The following EEFSEC variants were observed in gnomAD, a reference collection of about 807,000 sequenced individuals.
The protein encoded by EEFSEC is selenocysteine-specific elongation factor.
A neutral mutation model predicts 42.1 loss-of-function variants in EEFSEC; 43 were observed. The ratio of observed to expected loss-of-function variants is 1.02; its 90% CI spans 0.80 to 1.32. The LOEUF is 1.32. Ranked by LOEUF, EEFSEC falls within the 40% of genes most tolerant of loss-of-function variation. The probability of loss-of-function intolerance (pLI) is 0.00; values close to 1 mark genes in which losing one functional copy is unlikely to be tolerated. For missense variants in EEFSEC, 745 were observed against 803.6 expected (o/e 0.93, Z 0.88); for synonymous variants, 354 against 339.1 (o/e 1.04, Z -0.48).
At chr3:128,352,180 C>T (rs1313146098) in intron 5 of EEFSEC, among the ~76,000 whole-genome samples, 1 of 152,170 alleles carries the variant, frequency 6.6e-6, no homozygotes, top group East Asian at 1.9e-4. Context: ...ATCCTCACCT[C>T]CTGACACTCA....
chr3:128,386,646 A>G (rs982038760), intron 6 of EEFSEC, among the ~76,000 whole-genome samples: 1 of 152,224 alleles, frequency 6.6e-6, no homozygotes, highest in Non-Finnish European at 1.5e-5. Context: ...AAGGCTGTAC[A>G]GGAAGTATGG....
chr3:128,400,470 G>C (rs577646663), intron 6 of EEFSEC, among the ~76,000 whole-genome samples: 1 of 152,198 alleles, frequency 6.6e-6, no homozygotes, highest in African/African-American at 2.4e-5. Flanking sequence ...GCTCCCAGCT[G>C]TCAGTCATCA....
At chr3:128,166,566 T>A (rs2065244434) in intron 1 of EEFSEC, among the ~76,000 whole-genome samples, 1 of 152,128 alleles carries the variant, frequency 6.6e-6, no homozygotes, top group African/African-American at 2.4e-5. Flanking sequence ...TAGAGTTGGG[T>A]TTGAGCTGTC....
At chr3:128,353,029 C>T (rs112067208) in intron 5 of EEFSEC, among the ~76,000 whole-genome samples, 5 of 152,336 alleles carry the variant, frequency 3.3e-5, no homozygotes, top group African/African-American at 7.2e-5. Context: ...CCTCACTTAA[C>T]ATTGTCACTA....
intron 1 of EEFSEC, among the ~76,000 whole-genome samples, chr3:128,164,556 G>C (rs190561221): frequency 5.3e-5 from 8 of 152,266 alleles, no homozygotes; most frequent in South Asian, 4.2e-4. Context: ...TTGCACACAG[G>C]GGGGTGTGAA....
intron 6 of EEFSEC, among the ~76,000 whole-genome samples, chr3:128,359,408 G>T (rs1220117766): frequency 2.6e-5 from 4 of 152,084 alleles, no homozygotes; most frequent in Admixed American, 6.6e-5. Flanking sequence ...TAGAGAAAGG[G>T]TCTTACCCTG....
intron 6 of EEFSEC, among the ~76,000 whole-genome samples, chr3:128,392,222 C>T (rs1168529416): frequency 6.6e-6 from 1 of 152,178 alleles, no homozygotes; most frequent in Non-Finnish European, 1.5e-5. Flanking sequence ...CCCGCACCAG[C>T]CCCCCGTGAG....
At chr3:128,316,147 G>C (rs142449743) in intron 4 of EEFSEC, among the ~76,000 whole-genome samples, 13 of 152,292 alleles carry the variant, frequency 8.5e-5, no homozygotes, top group African/African-American at 3.1e-4. Flanking sequence ...TTCAAAGAGC[G>C]TGGTATTTAT....
intron 2 of EEFSEC, among the ~76,000 whole-genome samples, chr3:128,249,356 ATTTCTTT>A (rs2066160302): frequency 6.6e-6 from 1 of 152,116 alleles, no homozygotes; most frequent in Non-Finnish European, 1.5e-5. Flanking sequence ...GGATTTTTTC[ATTTCTTT>A]TTTCTTTTTA....
At chr3:128,322,234 G>C (rs1169037014) in intron 4 of EEFSEC, among the ~76,000 whole-genome samples, 1 of 152,250 alleles carries the variant, frequency 6.6e-6, no homozygotes, top group Non-Finnish European at 1.5e-5. Context: ...TCCCAGCTCT[G>C]CCACCTGCTG....
intron 4 of EEFSEC, among the ~76,000 whole-genome samples, chr3:128,277,969 A>T: frequency 6.6e-6 from 1 of 152,164 alleles, no homozygotes; most frequent in Admixed American, 6.5e-5. Flanking sequence ...TGAAAACCTA[A>T]AAGGAAGGCA....
chr3:128,353,000 G>A (rs1430911538), intron 5 of EEFSEC, among the ~76,000 whole-genome samples: 4 of 152,274 alleles, frequency 2.6e-5, no homozygotes, highest in African/African-American at 7.2e-5. Flanking sequence ...TTCCAGTTAT[G>A]GAGACCTGTA....
At chr3:128,195,144 T>C (rs1322252164) in intron 1 of EEFSEC, among the ~76,000 whole-genome samples, 2 of 152,232 alleles carry the variant, frequency 1.3e-5, no homozygotes, top group Non-Finnish European at 1.5e-5. Flanking sequence ...TAGTTTGAGA[T>C]ACTTCTTTTA....
intron 1 of EEFSEC, among the ~76,000 whole-genome samples, chr3:128,231,106 C>T (rs2065955294): frequency 6.6e-6 from 1 of 152,104 alleles, no homozygotes; most frequent in African/African-American, 2.4e-5. Flanking sequence ...CTCGCCTCCT[C>T]CCCCTCACTC....
At chr3:128,391,858 G>A (rs1044276136) in intron 6 of EEFSEC, among the ~76,000 whole-genome samples, 3 of 152,178 alleles carry the variant, frequency 2.0e-5, no homozygotes, top group Admixed American at 6.5e-5. Context: ...GACAAGCAAC[G>A]AATGCAGGAG....
chr3:128,346,513 C>A (rs1416879277), intron 5 of EEFSEC, among the ~76,000 whole-genome samples: 1 of 152,156 alleles, frequency 6.6e-6, no homozygotes, highest in Admixed American at 6.5e-5. Context: ...CAACTAATAA[C>A]AAACACAGTA....
chr3:128,201,568 T>G (rs1465112708), intron 1 of EEFSEC, among the ~76,000 whole-genome samples: 1 of 152,220 alleles, frequency 6.6e-6, no homozygotes, highest in Non-Finnish European at 1.5e-5. Flanking sequence ...TTTTAAAAAA[T>G]TATTTTGTTG....
At chr3:128,177,297 G>A (rs558431591) in intron 1 of EEFSEC, among the ~76,000 whole-genome samples, 3 of 152,248 alleles carry the variant, frequency 2.0e-5, no homozygotes, top group African/African-American at 7.2e-5. Context: ...CCAGGCCTAT[G>A]TGTTGGCCTG....
At chr3:128,335,746 G>C (rs2067183304) in intron 4 of EEFSEC, among the ~76,000 whole-genome samples, 1 of 152,178 alleles carries the variant, frequency 6.6e-6, no homozygotes, top group Non-Finnish European at 1.5e-5. Context: ...GCGGGGGAGG[G>C]GGCAACAATC....
Sources: gnomAD v4.1 joint callset for allele counts (sites outside exome capture counted in the v4.1 genomes callset) on GRCh38, gnomAD v4.1.1 for gene constraint, MANE v1.5 for transcripts, NCBI Gene and HGNC (gene_info 2026-07-23, HGNC 2026-07-21) for gene names.